Variants in CALD1 observed in about 807,000 individuals in gnomAD.
CALD1 encodes the protein caldesmon 1.
A neutral mutation model predicts 99.9 loss-of-function variants in CALD1; 33 were observed. The observed-to-expected ratio is 0.33, with a 90% CI of 0.25 to 0.44. CALD1 has a LOEUF of 0.44. CALD1 is among the 20% of genes least tolerant of loss of function. The pLI is 1.00. For synonymous variants in CALD1, 310 were observed against 325.0 expected (o/e 0.95, Z 0.50); for missense variants, 861 against 962.1 (o/e 0.89, Z 1.39).
intron 5 of CALD1, among the ~76,000 whole-genome samples, chr7:134,934,482 C>A (rs1345142120): frequency 2.0e-5 from 3 of 152,084 alleles, no homozygotes; most frequent in Admixed American, 6.5e-5. Context: ...AGGCAAGAGG[C>A]CCATAACTCC....
Position 134,934,009 on chromosome 7 carries a change from G to C in CALD1, c.1240G>C (p.Glu414Gln). The C allele has an allele frequency of 6.2e-7, 1 of 1,614,032 alleles. No homozygotes were observed. The highest frequency in any genetic ancestry group is 8.5e-7 in the Non-Finnish European group (1 of 1,179,988). The part of the protein sequence containing the change: ...IKGEKVEQKI[E>Q]GKWVNEKKAQ... ...AGGGGAAAAGGTAGAACAGAAAATA[G>C]AAGGGAAATGGGTAAATGAAAAGAA... The change falls in exon 5 of 15, where the codon GAA becomes CAA. Residue 414 changes from glutamate to glutamine, a missense_variant. Glu to Gln is a conservative substitution (Grantham distance 29). Transcript: ENST00000361675.
intron 3 of CALD1, among the ~76,000 whole-genome samples, chr7:134,887,853 C>T (rs1801950476): frequency 6.7e-6 from 1 of 149,850 alleles, no homozygotes; most frequent in African/African-American, 2.5e-5. Flanking sequence ...TGTGTGTGTG[C>T]CTGTGTGTGC....
chr7:134,794,643 C>A (rs191343253), intron 1 of CALD1, among the ~76,000 whole-genome samples: 1 of 152,084 alleles, frequency 6.6e-6, no homozygotes, highest in South Asian at 2.1e-4. Context: ...TGTGCCACCA[C>A]GCCCAGCTAA....
At chr7:134,814,730 G>C (rs1798491055) in intron 1 of CALD1, among the ~76,000 whole-genome samples, 1 of 152,164 alleles carries the variant, frequency 6.6e-6, no homozygotes, top group African/African-American at 2.4e-5. Context: ...GTCAGATAAA[G>C]AGTGAAGGCA....
rs1465302996 is a variant in CALD1, at chr7:134,959,959, A to T, written c.2062-15A>T. 1 of 1,612,302 alleles carries T rather than the reference A, an allele frequency of 6.2e-7. No homozygotes were observed. The highest frequency in any genetic ancestry group is 8.5e-7 in the Non-Finnish European group (1 of 1,179,216). On this transcript the variant is annotated splice_polypyrimidine_tract_variant and intron_variant, in intron 11 of 14. Coordinates refer to ENST00000361675, the MANE Select transcript of CALD1 (RefSeq NM_033138.4). The stretch of plus-strand genomic sequence containing the variant: ...CTTCCCAGCACCAATCCTAAAAATA[A>T]CTCACAAATTTCAGGGAACAAAAAG...
rs1586054810 is a variant in CALD1, at chr7:134,831,380, C to T, written c.-129-12504C>T. Reference sequence around the variant, plus strand: ...TGTTGCCCGGGTTGGAGTGCAGTGGCGCGATCTCGGCTCACTGCAACCTCC... The same window carrying T: ...TGTTGCCCGGGTTGGAGTGCAGTGGTGCGATCTCGGCTCACTGCAACCTCC... On this transcript the variant is annotated intron_variant, in intron 1 of 14. Coordinates refer to ENST00000361675, the MANE Select transcript of CALD1 (RefSeq NM_033138.4). Among the ~76,000 whole-genome samples, 6 of 151,958 alleles carry T rather than the reference C, an allele frequency of 3.9e-5. No homozygotes were observed. The South Asian group carries it at 1.3e-3, about 32-fold the overall frequency.
chr7:134,918,278 T>C (rs540325681), intron 3 of CALD1, among the ~76,000 whole-genome samples: 2 of 152,306 alleles, frequency 1.3e-5, no homozygotes, highest in South Asian at 4.2e-4. Flanking sequence ...TAAAAGAAAA[T>C]GGCACCAATT....
At chr7:134,773,476 G>A (rs1194789516) in intron 1 of CALD1, among the ~76,000 whole-genome samples, 1 of 151,958 alleles carries the variant, frequency 6.6e-6, no homozygotes, top group African/African-American at 2.4e-5. Context: ...GTTTCGCCCT[G>A]TTGCCCAGGC....
chr7:134,722,725 C>T, the CALD1 span, among the ~76,000 whole-genome samples: 4 of 152,068 alleles, frequency 2.6e-5, no homozygotes, highest in African/African-American at 7.2e-5. Context: ...TGGCCTCTAC[C>T]GTAGTTTTAT....
In CALD1 at chr7:134,896,295, T is replaced by C. The variant is rs141704156; in HGVS notation, c.71+28491T>C. ...TGAGAAAATTGCATTTATGTTCCAGTGCTATTTCTTTGTGGCACTGGGAAA... is the reference window on the plus strand; with the variant it reads ...TGAGAAAATTGCATTTATGTTCCAGCGCTATTTCTTTGTGGCACTGGGAAA... On this transcript the variant is annotated intron_variant, in intron 3 of 14. Coordinates refer to ENST00000361675, the MANE Select transcript of CALD1 (RefSeq NM_033138.4). 2.4e-3 allele frequency among the ~76,000 whole-genome samples: 366 copies of C among 152,356 alleles called. 2 individuals carry two copies. Among genetic ancestry groups the C allele is most frequent in the African/African-American group, 8.4e-3 (350 of 41,580 alleles).
chr7:134,960,376 G>C (rs1808169836), intron 12 of CALD1, 157 bp from the exon 13 acceptor site: 1 of 652,480 alleles, frequency 1.5e-6, no homozygotes, highest in African/African-American at 1.8e-5. Flanking sequence ...AGTTACCAGG[G>C]AAAGAAAACC....
At chr7:134,766,209 T>C (rs1796825668) in intron 1 of CALD1, among the ~76,000 whole-genome samples, 1 of 140,264 alleles carries the variant, frequency 7.1e-6, no homozygotes, top group South Asian at 2.3e-4. Flanking sequence ...TGGAGTGTAG[T>C]GGCACGATCT....
intron 3 of CALD1, among the ~76,000 whole-genome samples, chr7:134,896,383 A>G (rs945073171): frequency 1.3e-5 from 2 of 152,348 alleles, no homozygotes; most frequent in Middle Eastern, 3.4e-3. Flanking sequence ...GAAAGGTTTC[A>G]AATGATCTGG....
At chr7:134,746,595 C>G (rs1409356707) in intron 1 of CALD1, among the ~76,000 whole-genome samples, 1 of 141,716 alleles carries the variant, frequency 7.1e-6, no homozygotes, top group African/African-American at 2.5e-5. Context: ...TTGTGGTGAA[C>G]TAACTATTAA....
intron 1 of CALD1, chr7:134,809,531 T>C (rs959801347): frequency 1.3e-5 from 2 of 152,222 alleles, no homozygotes; most frequent in African/African-American, 2.4e-5. Flanking sequence ...CCTCCTCTTG[T>C]AGCCACAAAG....
chr7:134,958,924 T>A (rs1808032783), intron 11 of CALD1, among the ~76,000 whole-genome samples: 1 of 146,484 alleles, frequency 6.8e-6, no homozygotes, highest in Non-Finnish European at 1.5e-5. Flanking sequence ...ACTATATATA[T>A]ATTTAAGTCT....
At chr7:134,901,702 T>C (rs1803010948) in intron 3 of CALD1, among the ~76,000 whole-genome samples, 1 of 152,034 alleles carries the variant, frequency 6.6e-6, no homozygotes, top group Non-Finnish European at 1.5e-5. Flanking sequence ...TAGGGGAGGA[T>C]CCTTCCTTGC....
chr7:134,934,147 T>G, intron 5 of CALD1, 70 bp downstream of exon 5: 1 of 1,546,684 alleles, frequency 6.5e-7, no homozygotes, highest in East Asian at 2.2e-5. Context: ...ACATCTGATT[T>G]GGGACTGAGG....
chr7:134,781,881 C>A (rs1339453199), intron 1 of CALD1, among the ~76,000 whole-genome samples: 3 of 152,198 alleles, frequency 2.0e-5, no homozygotes, highest in African/African-American at 7.2e-5. Context: ...AAATGAGATA[C>A]ATGAAAGCAT....
Sources: gnomAD v4.1 joint callset for allele counts (sites outside exome capture counted in the v4.1 genomes callset) on GRCh38, gnomAD v4.1.1 for gene constraint, MANE v1.5 for transcripts, NCBI Gene and HGNC (gene_info 2026-07-23, HGNC 2026-07-21) for gene names.